The following ST3GAL3 variants were observed in gnomAD, a reference collection of about 807,000 sequenced individuals.
ST3GAL3 encodes the protein CMP-N-acetylneuraminate-beta-1,4-galactoside alpha-2,3-sialyltransferase.
Under a neutral mutation model 50.1 loss-of-function variants are expected in ST3GAL3, and 21 were observed. That is an observed-to-expected ratio of 0.42 (90% CI 0.30 to 0.60). ST3GAL3 has a LOEUF of 0.60. Ranked by LOEUF, ST3GAL3 falls within the 20% of genes least tolerant of loss-of-function variation. ST3GAL3 has a pLI of 0.19. For missense variants in ST3GAL3, 353 were observed against 489.4 expected, an observed-to-expected ratio of 0.72 and a Z score of 2.63; for synonymous variants, 183 against 190.0, an observed-to-expected ratio of 0.96 and a Z score of 0.30.
intron 3 of ST3GAL3, among the ~76,000 whole-genome samples, chr1:43,808,303 CA>C (rs35302476): frequency 0.63 from 68,522 of 108,008 alleles, 19,892 homozygotes; most frequent in East Asian, 0.76. Flanking sequence ...GACTCCATCT[CA>C]AAAAAAAAAA....
intron 4 of ST3GAL3, among the ~76,000 whole-genome samples, chr1:43,836,153 A>G (rs1382614426): frequency 2.6e-5 from 4 of 152,250 alleles, no homozygotes; most frequent in African/African-American, 9.6e-5. Context: ...GAAAACATCT[A>G]GAACGTTTTT....
At chr1:43,909,730 G>A (rs867482369) in intron 9 of ST3GAL3, among the ~76,000 whole-genome samples, 3 of 152,140 alleles carry the variant, frequency 2.0e-5, no homozygotes, top group Non-Finnish European at 4.4e-5. Context: ...AAAGACTGCC[G>A]CACAACCTTG....
rs182489415 is a variant in ST3GAL3 at position 43,876,876 on chromosome 1, T to C, written c.303-17507T>C. 3.0e-3 allele frequency among the ~76,000 whole-genome samples: 461 copies of C among 152,338 alleles called. 2 individuals carry two copies. Among genetic ancestry groups the C allele is most frequent in the African/African-American group, 0.011 (438 of 41,582 alleles). On this transcript the variant is annotated intron_variant, in intron 5 of 11. Coordinates refer to ENST00000347631, the MANE Select transcript of ST3GAL3 (RefSeq NM_006279.5). The stretch of plus-strand genomic sequence containing the variant: ...TCATTACCTATAATATGCTAGGTGC[T>C]GTTCTAGGTACTAGGCATGTGATGT...
At chr1:43,851,818 C>T (rs912336354) in intron 5 of ST3GAL3, among the ~76,000 whole-genome samples, 2 of 152,178 alleles carry the variant, frequency 1.3e-5, no homozygotes, top group Non-Finnish European at 2.9e-5. Flanking sequence ...ACCAGAGTCC[C>T]AGACCCGCTG....
In ST3GAL3 at chr1:43,920,468, G is replaced by A. The variant is rs1389709491; in HGVS notation, c.809G>A (p.Arg270Gln). The A allele has an allele frequency of 1.9e-6, 3 of 1,614,100 alleles. No individual in the cohort carries two copies. Among genetic ancestry groups the A allele is most frequent in the Non-Finnish European group, 2.5e-6 (3 of 1,180,024 alleles). ...TRVPKEPPEI[R>Q]ILNPYFIQEA... ...GTGCCCAAGGAGCCCCCTGAGATTC[G>A]AATCCTCAACCCATATTTCATCCAG... The change falls in exon 10 of 12, where the codon CGA becomes CAA. Residue 270 changes from arginine (R) to glutamine (Q), a missense_variant. Physicochemically the swap from Arg to Gln is conservative, Grantham distance 43 (BLOSUM62 1). Coordinates refer to ENST00000347631, the MANE Select transcript of ST3GAL3 (RefSeq NM_006279.5).
At chr1:43,917,500 TATATTATATA>T (rs1197158541) in intron 9 of ST3GAL3, among the ~76,000 whole-genome samples, 4 of 72,096 alleles carry the variant, frequency 5.5e-5, no homozygotes, top group Admixed American at 2.8e-4. Flanking sequence ...ATATATATAA[TATATTATATA>T]ATATAATATA....
intron 5 of ST3GAL3, among the ~76,000 whole-genome samples, chr1:43,847,707 G>A (rs2066488598): frequency 6.6e-6 from 1 of 152,152 alleles, no homozygotes; most frequent in Non-Finnish European, 1.5e-5. Context: ...TCTGGATATT[G>A]GTTACACAAC....
chr1:43,778,653 T>C (rs1252312257), intron 2 of ST3GAL3, among the ~76,000 whole-genome samples: 7 of 143,704 alleles, frequency 4.9e-5, no homozygotes, highest in Non-Finnish European at 4.6e-5. Flanking sequence ...TCTTTTTTTT[T>C]TTTTTTTTTT....
intron 2 of ST3GAL3, among the ~76,000 whole-genome samples, chr1:43,785,328 A>G (rs2057167597): frequency 6.6e-6 from 1 of 152,156 alleles, no homozygotes; most frequent in Admixed American, 6.5e-5. Flanking sequence ...TGGAGGAGAC[A>G]TGTGTTGCTC....
chr1:43,835,462 G>A (rs1298680029), intron 4 of ST3GAL3, among the ~76,000 whole-genome samples: 2 of 152,076 alleles, frequency 1.3e-5, no homozygotes, highest in Non-Finnish European at 2.9e-5. Flanking sequence ...AGTTACTGTC[G>A]CTTTCTAAAT....
At chr1:43,710,533 C>T (rs1664176211) in intron 1 of ST3GAL3, among the ~76,000 whole-genome samples, 1 of 152,236 alleles carries the variant, frequency 6.6e-6, no homozygotes, top group Non-Finnish European at 1.5e-5. Context: ...CTTCTCCAGC[C>T]AGGACTTTGA....
At position 43,729,577 on chromosome 1, in the gene ST3GAL3, G is replaced by A. The variant is rs74509838; in HGVS notation, c.-30-6656G>A. 4.7e-3 allele frequency among the ~76,000 whole-genome samples: 716 copies of A among 152,130 alleles called. 4 individuals carry two copies. Among genetic ancestry groups the A allele is most frequent in the African/African-American group, 0.016 (674 of 41,496 alleles). Reference sequence around the variant, plus strand: ...TGCCACAACCTAGACCCCTCACATGGACTAATGTCCCTCTCTCCCCTTTCA... The same window carrying A: ...TGCCACAACCTAGACCCCTCACATGAACTAATGTCCCTCTCTCCCCTTTCA... On this transcript the variant is annotated intron_variant, in intron 1 of 11. Coordinates refer to ENST00000347631, the MANE Select transcript of ST3GAL3 (RefSeq NM_006279.5).
chr1:43,798,828 G>T (rs938812430), intron 3 of ST3GAL3, among the ~76,000 whole-genome samples: 8 of 152,154 alleles, frequency 5.3e-5, no homozygotes, highest in African/African-American at 1.9e-4. Flanking sequence ...TGTATCGCCG[G>T]TATTTAGAAT....
chr1:43,875,509 T>G (rs1289020088), intron 5 of ST3GAL3, among the ~76,000 whole-genome samples: 1 of 152,026 alleles, frequency 6.6e-6, no homozygotes. Flanking sequence ...GTAATCCCCA[T>G]AAACCCCACG....
chr1:43,816,044 A>T (rs1490545385), intron 4 of ST3GAL3, among the ~76,000 whole-genome samples: 1 of 152,192 alleles, frequency 6.6e-6, no homozygotes, highest in Non-Finnish European at 1.5e-5. Flanking sequence ...CCGATGCTCA[A>T]TAAATCCTTG....
chr1:43,751,211 T>C (rs1381565225), intron 2 of ST3GAL3, among the ~76,000 whole-genome samples: 2 of 152,190 alleles, frequency 1.3e-5, no homozygotes, highest in East Asian at 3.8e-4. Context: ...TATTTTTCCA[T>C]ATTGGCAGTA....
intron 1 of ST3GAL3, among the ~76,000 whole-genome samples, chr1:43,714,640 A>G (rs1443305789): frequency 2.6e-5 from 4 of 152,108 alleles, no homozygotes; most frequent in African/African-American, 7.2e-5. Context: ...TTAAATGCCA[A>G]CAGTTTATAT....
At chr1:43,744,875 C>T (rs186227071) in intron 2 of ST3GAL3, among the ~76,000 whole-genome samples, 43 of 151,648 alleles carry the variant, frequency 2.8e-4, no homozygotes, top group African/African-American at 1.0e-3. Context: ...CCTGTAATCC[C>T]AGCTACTTGG....
intron 4 of ST3GAL3, among the ~76,000 whole-genome samples, chr1:43,836,544 C>T (rs956175949): frequency 6.6e-6 from 1 of 152,222 alleles, no homozygotes; most frequent in Non-Finnish European, 1.5e-5. Context: ...GGTACCACCA[C>T]CCCACACCCA....
Sources: allele counts gnomAD v4.1 joint callset (sites outside exome capture counted in the v4.1 genomes callset), GRCh38; gene constraint gnomAD v4.1.1; transcripts MANE v1.5; gene names NCBI Gene and HGNC (gene_info 2026-07-23, HGNC 2026-07-21).